Variants in SH2D4B observed in about 807,000 individuals in gnomAD.
The protein encoded by SH2D4B is SH2 domain containing 4B, also known as SH2 domain-containing protein 4B.
In SH2D4B, 45 loss-of-function variants were observed where a neutral mutation model predicts 61.5. The observed-to-expected ratio is 0.73, with a 90% confidence interval of 0.58 to 0.94. The LOEUF is 0.94. Ranked by LOEUF, SH2D4B falls within the 40% of genes least tolerant of loss-of-function variation. SH2D4B has a pLI of 0.00. For synonymous variants in SH2D4B, 224 were observed against 220.4 expected (o/e 1.02, Z -0.14); for missense variants, 572 against 574.2 (o/e 1.00, Z 0.04).
intron 6 of SH2D4B, among the ~76,000 whole-genome samples, chr10:80,616,501 G>A (rs746868363): frequency 9.9e-5 from 15 of 152,182 alleles, no homozygotes; most frequent in South Asian, 2.1e-4. Flanking sequence ...GTAGGAAAGC[G>A]TAGGTTGTAA....
At chr10:80,575,573 C>CAACATGGTGAAACTACTAA (rs1218958663) in intron 3 of SH2D4B, among the ~76,000 whole-genome samples, 1 of 152,050 alleles carries the variant, frequency 6.6e-6, no homozygotes, top group Non-Finnish European at 1.5e-5. Flanking sequence ...CCAGCCTGGC[C>CAACATGGTGAAACTACTAA]AACATGGTGA....
chr10:80,556,026 A>T (rs1457715944), intron 1 of SH2D4B, among the ~76,000 whole-genome samples: 2 of 152,198 alleles, frequency 1.3e-5, no homozygotes, highest in African/African-American at 4.8e-5. Context: ...TTAAGTGGAA[A>T]GTGCCTTTTT....
intron 3 of SH2D4B, among the ~76,000 whole-genome samples, chr10:80,587,597 C>T (rs1033161656): frequency 5.3e-5 from 8 of 151,820 alleles, no homozygotes; most frequent in Admixed American, 5.2e-4. Flanking sequence ...TCTTTCTAAA[C>T]TTTTATTTTA....
At chr10:80,608,320 G>A (rs760295581) in intron 5 of SH2D4B, among the ~76,000 whole-genome samples, 1 of 152,144 alleles carries the variant, frequency 6.6e-6, no homozygotes, top group Non-Finnish European at 1.5e-5. Flanking sequence ...GGCACGGGAA[G>A]AGTTTAGATG....
At chr10:80,631,890 G>C (rs538145059) in intron 6 of SH2D4B, among the ~76,000 whole-genome samples, 1 of 152,208 alleles carries the variant, frequency 6.6e-6, no homozygotes, top group African/African-American at 2.4e-5. Flanking sequence ...TGTACAGCTT[G>C]GTAACTACAA....
Position 80,538,468 on chromosome 10 carries a change from A to G in SH2D4B, c.137A>G (p.Glu46Gly). The G allele has an allele frequency of 1.4e-6, 2 of 1,475,396 alleles. No individual in the cohort carries two copies. Among genetic ancestry groups the G allele is most frequent in the African/African-American group, 1.4e-5 (1 of 70,836 alleles). The allele number at this position is 1,475,396 out of a possible 1,614,324, so 91.4% of individuals were successfully genotyped here. ...LRRWKERETW[E>G]ALAQDEGLRP... ...CGCTGGAAGGAGCGGGAGACTTGGG[A>G]GGCCCTGGCCCAGGACGAGGGTCTC... Residue 46 changes from glutamate (E) to glycine (G), a missense_variant, in exon 1 of 8, where the codon GAG (glutamate) becomes GGG (glycine). Physicochemically the swap from Glu to Gly is moderately conservative, Grantham distance 98 (BLOSUM62 -2). Transcript: ENST00000646907. This position sits in a 1 kb window ranked among gnomAD's most constrained non-coding sequence, Gnocchi z 4.8.
intron 6 of SH2D4B, among the ~76,000 whole-genome samples, chr10:80,614,995 C>T (rs1842644806): frequency 6.6e-6 from 1 of 152,358 alleles, no homozygotes; most frequent in East Asian, 1.9e-4. Context: ...GGGGCAAACC[C>T]ACTGGCCATC....
At chr10:80,559,993 T>TC (rs1168617177) in intron 1 of SH2D4B, among the ~76,000 whole-genome samples, 1 of 147,510 alleles carries the variant, frequency 6.8e-6, no homozygotes, top group African/African-American at 2.5e-5. Context: ...ACCTTTTTTT[T>TC]TTTTTTTTTT....
chr10:80,591,567 C>T (rs1013658473), intron 4 of SH2D4B, among the ~76,000 whole-genome samples: 33 of 135,992 alleles, frequency 2.4e-4, no homozygotes, highest in African/African-American at 7.2e-4. Flanking sequence ...AGTGCAGTGG[C>T]GTGATCTCAG....
chr10:80,603,632 C>G lies in SH2D4B; in HGVS notation c.697C>G (p.Arg233Gly), dbSNP rs144544922. 1 of 1,595,062 alleles carries G rather than the reference C, an allele frequency of 6.3e-7. No individual in the cohort carries two copies. The highest frequency in any genetic ancestry group is 8.5e-7 in the Non-Finnish European group (1 of 1,171,586). Residue 233 changes from arginine (R) to glycine (G), a missense_variant, in exon 5 of 8, where the codon CGG (arginine) becomes GGG (glycine). Physicochemically the swap from Arg to Gly is moderately radical, Grantham distance 125 (BLOSUM62 -2). Coordinates refer to ENST00000646907, the MANE Select transcript of SH2D4B (RefSeq NM_001388272.1). The stretch of plus-strand genomic sequence containing the variant: ...GAGGAGCCGCCGAGCCCAGCGCGCC[C>G]GGGACGAGTACCGACACCACTCGCT... ...EERSRRAQRA[R>G]DEYRHHSLRA...
chr10:80,544,623 G>A (rs1035157274), intron 1 of SH2D4B, among the ~76,000 whole-genome samples: 1 of 152,210 alleles, frequency 6.6e-6, no homozygotes. Context: ...TGGATGTCCT[G>A]ACCTTGCATG....
intron 6 of SH2D4B, among the ~76,000 whole-genome samples, chr10:80,620,581 T>A (rs894237868): frequency 2.0e-5 from 3 of 152,252 alleles, no homozygotes; most frequent in African/African-American, 7.2e-5. Flanking sequence ...GGTTGCTTAC[T>A]GTCTAATAAG....
chr10:80,578,093 C>T (rs571844403), intron 3 of SH2D4B, among the ~76,000 whole-genome samples: 11 of 152,156 alleles, frequency 7.2e-5, no homozygotes, highest in African/African-American at 2.4e-4. Flanking sequence ...ACTTCAGCCC[C>T]CCAAGTAGCT....
chr10:80,624,582 G>T (rs749086554), intron 6 of SH2D4B, among the ~76,000 whole-genome samples: 2 of 152,228 alleles, frequency 1.3e-5, no homozygotes, highest in Non-Finnish European at 1.5e-5. Flanking sequence ...CTAGCCCAGA[G>T]TCTCAAACCT....
Position 80,538,356 on chromosome 10 carries a change from A to ATG in SH2D4B, c.27_28dup (p.Tyr10CysfsTer28). ...CATGCTGCAGCAGATCCTGCACGAC[A>ATG]TGTACATCGACCCCGAGCTCCTTGC... On this transcript the variant is annotated frameshift_variant, in exon 1 of 8. Coordinates refer to ENST00000646907, the MANE Select transcript of SH2D4B (RefSeq NM_001388272.1). LOFTEE classifies it high-confidence loss of function. This position sits in a 1 kb window ranked among gnomAD's most constrained non-coding sequence, Gnocchi z 4.8. 7.2e-7 allele frequency: 1 copy of ATG among 1,380,834 alleles called. No homozygotes were observed. The highest frequency in any genetic ancestry group is 9.4e-7 in the Non-Finnish European group (1 of 1,060,728). The allele number at this position is 1,380,834 out of a possible 1,614,324, so 85.5% of individuals were successfully genotyped here.
Position 80,615,182 on chromosome 10 carries a change from C to T in SH2D4B, c.988+5631C>T, listed in dbSNP as rs77245923. Among the ~76,000 whole-genome samples, 28 of 152,352 alleles carry T rather than the reference C, an allele frequency of 1.8e-4. No homozygotes were observed. The East Asian group carries it at 5.4e-3, about 29-fold the overall frequency. Reference sequence around the variant, plus strand: ...CAGGCTGGCTGCTGCTGACCTTTGCCATCCTCGGGCTTGATGCTGCCATGC... The same window carrying T: ...CAGGCTGGCTGCTGCTGACCTTTGCTATCCTCGGGCTTGATGCTGCCATGC... On this transcript the variant is annotated intron_variant, in intron 6 of 7. Transcript: ENST00000646907.
chr10:80,606,658 A>C (rs969756461), intron 5 of SH2D4B, among the ~76,000 whole-genome samples: 1 of 152,130 alleles, frequency 6.6e-6, no homozygotes, highest in African/African-American at 2.4e-5. Context: ...TGTTACATTT[A>C]TCTTTTAATG....
intron 1 of SH2D4B, among the ~76,000 whole-genome samples, chr10:80,553,854 A>G (rs1212996817): frequency 6.6e-6 from 1 of 150,966 alleles, no homozygotes; most frequent in African/African-American, 2.5e-5. Context: ...TATGACAGTA[A>G]GAGTGTCTGG....
chr10:80,577,708 G>A lies in SH2D4B; in HGVS notation c.495+6130G>A, dbSNP rs1470188536. 2.6e-5 allele frequency among the ~76,000 whole-genome samples: 4 copies of A among 152,014 alleles called. 1 individual carries two copies. In the South Asian group the frequency reaches 6.2e-4, roughly 24 times the overall value. On this transcript the variant is annotated intron_variant, in intron 3 of 7. Transcript: ENST00000646907. ...CCCAAAGCGCCGGGATTACAGGTGT[G>A]AGCCACAGCGCCCGGCCTTTTTTTT...
Sources: allele counts gnomAD v4.1 joint callset (sites outside exome capture counted in the v4.1 genomes callset), GRCh38; gene constraint gnomAD v4.1.1; non-coding constraint Gnocchi (gnomAD v3.1); transcripts MANE v1.5; gene names NCBI Gene and HGNC (gene_info 2026-07-23, HGNC 2026-07-21).